The following CFAP97 variants were observed in gnomAD, a reference collection of about 807,000 sequenced individuals.
CFAP97 encodes the protein cilia- and flagella-associated protein 97.
CFAP97 carries 36 observed loss-of-function variants against 43.1 expected under a neutral mutation model. The ratio of observed to expected loss-of-function variants is 0.84; its 90% CI spans 0.64 to 1.10. The LOEUF (loss-of-function observed/expected upper bound fraction) is 1.10. Among genes scored for constraint, CFAP97 ranks in the 50% least tolerant of loss-of-function variants. The pLI, the probability that CFAP97 is intolerant of heterozygous loss-of-function variation, is 0.00. For missense variants in CFAP97, 657 were observed against 620.3 expected, an observed-to-expected ratio of 1.06 and a Z score of -0.63; for synonymous variants, 228 against 225.7, an observed-to-expected ratio of 1.01 and a Z score of -0.09.
intron 4 of CFAP97, 57 bp from the exon 5 acceptor site, chr4:185,162,982 C>G (rs1734925774): frequency 1.4e-6 from 2 of 1,447,668 alleles, no homozygotes; most frequent in Non-Finnish European, 1.8e-6. Flanking sequence ...GAAGTCCAGA[C>G]TAGTTTTTCT....
intron 2 of CFAP97, among the ~76,000 whole-genome samples, chr4:185,176,801 G>A (rs1735565847): frequency 6.6e-6 from 1 of 152,084 alleles, no homozygotes; most frequent in Admixed American, 6.5e-5. Flanking sequence ...CAATGACTGA[G>A]GGAAACAATG....
chr4:185,171,806 G>C (rs1056536170), intron 3 of CFAP97, among the ~76,000 whole-genome samples: 2 of 152,120 alleles, frequency 1.3e-5, no homozygotes, highest in African/African-American at 4.8e-5. Flanking sequence ...GAGTGATCAC[G>C]GCTCTCTGCA....
At chr4:185,184,888 C>T (rs935528705) in intron 2 of CFAP97, among the ~76,000 whole-genome samples, 8 of 152,206 alleles carry the variant, frequency 5.3e-5, no homozygotes, top group Admixed American at 3.3e-4. Flanking sequence ...TTTGTATGCT[C>T]GTTTTTTAAT....
At chr4:185,184,263 T>A (rs1465728892) in intron 2 of CFAP97, among the ~76,000 whole-genome samples, 1 of 152,196 alleles carries the variant, frequency 6.6e-6, no homozygotes, top group East Asian at 1.9e-4. Flanking sequence ...TTTGAGAAGC[T>A]CTCTTGGACA....
chr4:185,192,898 G>T (rs1048353037), intron 1 of CFAP97, among the ~76,000 whole-genome samples: 1 of 151,810 alleles, frequency 6.6e-6, no homozygotes, highest in Non-Finnish European at 1.5e-5. Context: ...CCGCCACCAC[G>T]CCCGGCTAAT....
intron 2 of CFAP97, among the ~76,000 whole-genome samples, chr4:185,178,206 T>C (rs1226478543): frequency 2.0e-5 from 3 of 150,836 alleles, no homozygotes; most frequent in Non-Finnish European, 4.4e-5. Flanking sequence ...TAAAGGAAAT[T>C]AATAGTAAGC....
intron 2 of CFAP97, among the ~76,000 whole-genome samples, chr4:185,177,340 G>A (rs1735591417): frequency 6.6e-6 from 1 of 150,866 alleles, no homozygotes; most frequent in African/African-American, 2.4e-5. Context: ...TTGAACCCAG[G>A]AGGCAGAGGT....
intron 3 of CFAP97, among the ~76,000 whole-genome samples, chr4:185,173,761 G>A (rs1167026335): frequency 6.6e-6 from 1 of 152,112 alleles, no homozygotes; most frequent in Non-Finnish European, 1.5e-5. Flanking sequence ...TGTTTAATAA[G>A]CACAGCATCT....
rs374984502 is a variant in CFAP97, at chr4:185,178,115, A to G, written c.1055-2064T>C. On this transcript the variant is annotated intron_variant, in intron 2 of 4. Coordinates refer to ENST00000458385, the MANE Select transcript of CFAP97 (RefSeq NM_020827.3). ...AGAAACAGACTTAGATGCATAAAAC[A>G]TGTGAAATTATCTTGCCTCCAAGAA... Among the ~76,000 whole-genome samples, 10 of 152,138 alleles carry G rather than the reference A, an allele frequency of 6.6e-5. No individual in the cohort carries two copies. In the East Asian group the frequency reaches 1.2e-3, roughly 18 times the overall value.
At position 185,164,061 on chromosome 4, in the gene CFAP97, G is replaced by A. The variant is rs752444528; in HGVS notation, c.1439C>T (p.Ala480Val). The part of the protein sequence containing the change: ...YLNSSPLSRR[A>V]RSTLGQYSPL... ...GCTATATTGGCCAAGAGTGGATCTG[G>A]CCCGTCTTGACAATGGTGATGAGTT... The change falls in exon 4 of 5, where the codon GCC becomes GTC. Residue 480 changes from alanine (A) to valine (V), a missense_variant. By Grantham distance (64) the Ala-to-Val change is moderately conservative. Coordinates refer to ENST00000458385, the MANE Select transcript of CFAP97 (RefSeq NM_020827.3). The A allele has an allele frequency of 3.1e-6, 5 of 1,613,854 alleles. No homozygotes were observed. The Admixed American group carries it at 6.7e-5, about 22-fold the overall frequency.
At chr4:185,171,229 G>A (rs1735290968) in intron 3 of CFAP97, among the ~76,000 whole-genome samples, 2 of 151,964 alleles carry the variant, frequency 1.3e-5, no homozygotes, top group South Asian at 2.1e-4. Flanking sequence ...GCTAGGCGGG[G>A]TGTCACACGC....
Position 185,160,727 on chromosome 4 carries a change from A to G in CFAP97, c.*2071T>C, listed in dbSNP as rs1402552334. 1 of 151,686 alleles carries G rather than the reference A, an allele frequency of 6.6e-6. No homozygotes were observed. Among genetic ancestry groups the G allele is most frequent in the African/African-American group, 2.4e-5 (1 of 41,382 alleles). The allele number at this position is 151,686 out of a possible 1,614,324, so 9.4% of individuals were successfully genotyped here. A position where few individuals can be genotyped will look rare whatever the true frequency, so the allele number is the denominator to read the frequency against. On this transcript the variant is annotated 3_prime_UTR_variant, in exon 5 of 5. Transcript: ENST00000458385. ...TACCTAAAATCAAAGTACAGTTGTT[A>G]TTTATAAAACTATTGTGTTGTATCC...
At position 185,190,496 on chromosome 4, in the gene CFAP97, G is replaced by A. The variant is rs1233417918; in HGVS notation, c.701C>T (p.Pro234Leu). ...KSGIKSTETQ[P>L]SSTTPKCGHY... ...GCCACATTTTGGTGTAGTACTTGAA[G>A]GCTGTGTTTCTGTCGATTTTATTCC... Residue 234 changes from proline to leucine, a missense_variant, in exon 2 of 5, where the codon CCT (proline) becomes CTT (leucine). Physicochemically the swap from Pro to Leu is moderately conservative, Grantham distance 98. Transcript: ENST00000458385. 2 of 1,613,984 alleles carry A rather than the reference G, an allele frequency of 1.2e-6. No homozygotes were observed. Among genetic ancestry groups the A allele is most frequent in the South Asian group, 2.2e-5 (2 of 91,072 alleles).
At chr4:185,204,203 G>C (rs1737081186), upstream of CFAP97, 1 of 152,218 alleles carries the variant, frequency 6.6e-6, no homozygotes, top group African/African-American at 2.4e-5. Context: ...GGTCCAGCCC[G>C]CGTGGTTGCC....
At chr4:185,208,018 AGGGTACACTTTGAGGGGCTCCAATT>A (rs568732633), upstream of CFAP97, among the ~76,000 whole-genome samples, 6 of 152,342 alleles carry the variant, frequency 3.9e-5, no homozygotes, top group East Asian at 1.2e-3. Context: ...TTGGGTTGGT[AGGGTACACTTTGAGGGGCTCCAATT>A]GGGTGAAAAT....
intron 2 of CFAP97, among the ~76,000 whole-genome samples, chr4:185,178,895 C>T (rs74825303): frequency 0.041 from 6,215 of 152,128 alleles, 239 homozygotes; most frequent in South Asian, 0.12. Context: ...GAGAAACTAA[C>T]GACCACACTG....
At chr4:185,167,512 T>C (rs1187289686) in intron 3 of CFAP97, among the ~76,000 whole-genome samples, 2 of 152,252 alleles carry the variant, frequency 1.3e-5, no homozygotes, top group African/African-American at 4.8e-5. Flanking sequence ...ACGATTGTAA[T>C]ACAGTGATAA....
chr4:185,182,205 C>A (rs1365494765), intron 2 of CFAP97: 2 of 151,916 alleles, frequency 1.3e-5, no homozygotes, highest in African/African-American at 4.8e-5. Flanking sequence ...TCAACGTCTT[C>A]AATGCTCTCC....
At chr4:185,193,375 C>T (rs972233681) in intron 1 of CFAP97, among the ~76,000 whole-genome samples, 8 of 152,160 alleles carry the variant, frequency 5.3e-5, no homozygotes, top group East Asian at 1.9e-4. Context: ...AGGCCAGGCA[C>T]GGTGGCTCAT....
Sources: gnomAD v4.1 joint callset for allele counts (sites outside exome capture counted in the v4.1 genomes callset) on GRCh38, gnomAD v4.1.1 for gene constraint, MANE v1.5 for transcripts, NCBI Gene and HGNC (gene_info 2026-07-23, HGNC 2026-07-21) for gene names.